The following NXPE2 variants were observed in gnomAD, a reference collection of about 807,000 sequenced individuals.
NXPE2 encodes neurexophilin and PC-esterase domain family member 2.
In NXPE2, 34 loss-of-function variants were observed where a neutral mutation model predicts 34.4. That is an observed-to-expected ratio of 0.99 (90% CI 0.75 to 1.31). The LOEUF (loss-of-function observed/expected upper bound fraction) is 1.31. NXPE2 is among the 40% of genes most tolerant of loss of function. NXPE2 has a pLI of 0.00. For synonymous variants in NXPE2, 235 were observed against 231.3 expected (o/e 1.02, Z -0.15); for missense variants, 649 against 672.5 (o/e 0.97, Z 0.39).
At chr11:114,571,136 C>A in the NXPE2 span, 2 of 1,613,882 alleles carry the variant, frequency 1.2e-6, no homozygotes, top group African/African-American at 2.7e-5. Context: ...CATTGTACAT[C>A]TCCCTGATGT....
At chr11:114,630,217 C>A in the NXPE2 span, among the ~76,000 whole-genome samples, 1 of 151,710 alleles carries the variant, frequency 6.6e-6, no homozygotes, top group African/African-American at 2.4e-5. Context: ...ATCGCCAAGT[C>A]AATCCTGAGT....
chr11:114,567,538 A>G, the NXPE2 span, among the ~76,000 whole-genome samples: 1 of 152,014 alleles, frequency 6.6e-6, no homozygotes, highest in African/African-American at 2.4e-5. Flanking sequence ...AGCCTTAGGC[A>G]TACCACATAG....
the NXPE2 span, among the ~76,000 whole-genome samples, chr11:114,634,950 C>A: frequency 9.1e-3 from 1,386 of 151,992 alleles, 22 homozygotes; most frequent in African/African-American, 0.032. Flanking sequence ...GATGAGGGCC[C>A]TTTTTTGGTT....
chr11:114,807,352 A>G, the NXPE2 span, among the ~76,000 whole-genome samples: 2 of 152,248 alleles, frequency 1.3e-5, no homozygotes, highest in Non-Finnish European at 2.9e-5. Context: ...TATTAACTTT[A>G]AATGTAAATG....
the NXPE2 span, chr11:114,595,521 G>A: frequency 1.3e-5 from 2 of 152,198 alleles, no homozygotes; most frequent in African/African-American, 4.8e-5. Flanking sequence ...ATGGGCATTA[G>A]ATGTTTCTGC....
the NXPE2 span, among the ~76,000 whole-genome samples, chr11:114,602,815 AT>A: frequency 0.16 from 23,590 of 146,050 alleles, 1,991 homozygotes; most frequent in South Asian, 0.21. Context: ...TTACAGAATC[AT>A]ATATAATAAT....
At chr11:114,525,820 A>G in the NXPE2 span, among the ~76,000 whole-genome samples, 11 of 152,212 alleles carry the variant, frequency 7.2e-5, no homozygotes, top group Non-Finnish European at 1.0e-4. Flanking sequence ...CATGTATAAG[A>G]GTCAAGCCCT....
chr11:114,627,207 C>T, the NXPE2 span, among the ~76,000 whole-genome samples: 3 of 152,088 alleles, frequency 2.0e-5, no homozygotes, highest in South Asian at 2.1e-4. Context: ...AACCCCAAGA[C>T]ACATAATTGT....
the NXPE2 span, among the ~76,000 whole-genome samples, chr11:114,640,898 G>A: frequency 6.6e-6 from 1 of 151,890 alleles, no homozygotes; most frequent in East Asian, 1.9e-4. Context: ...CTCTCATTTT[G>A]TAGGTTTCCT....
chr11:114,543,585 A>G, the NXPE2 span, among the ~76,000 whole-genome samples: 1 of 152,026 alleles, frequency 6.6e-6, no homozygotes, highest in Non-Finnish European at 1.5e-5. Context: ...CATAAGAGAC[A>G]TACTTATGGC....
chr11:114,714,895 G>A, the NXPE2 span, among the ~76,000 whole-genome samples: 112 of 152,204 alleles, frequency 7.4e-4, no homozygotes, highest in African/African-American at 2.4e-3. Context: ...GGTGGCACAC[G>A]CCTGTAATCC....
At chr11:114,739,745 C>G in the NXPE2 span, among the ~76,000 whole-genome samples, 1 of 152,062 alleles carries the variant, frequency 6.6e-6, no homozygotes, top group African/African-American at 2.4e-5. Context: ...TTCCTCTGCT[C>G]CTTGATCACT....
chr11:114,629,171 A>G, the NXPE2 span, among the ~76,000 whole-genome samples: 1 of 152,126 alleles, frequency 6.6e-6, no homozygotes, highest in Non-Finnish European at 1.5e-5. Context: ...AACTCATTTT[A>G]TGAGGCCAGC....
the NXPE2 span, among the ~76,000 whole-genome samples, chr11:114,730,530 T>C: frequency 2.0e-5 from 3 of 152,216 alleles, no homozygotes; most frequent in Non-Finnish European, 4.4e-5. Flanking sequence ...TTCCAATCCA[T>C]GAGCATGGAC....
chr11:114,670,658 C>G, the NXPE2 span, among the ~76,000 whole-genome samples: 1 of 151,990 alleles, frequency 6.6e-6, no homozygotes, highest in African/African-American at 2.4e-5. Context: ...TACCACTGCA[C>G]TCTAGCCTGG....
At chr11:114,665,532 T>A in the NXPE2 span, among the ~76,000 whole-genome samples, 1 of 152,178 alleles carries the variant, frequency 6.6e-6, no homozygotes, top group African/African-American at 2.4e-5. Context: ...TGCAAAGAGT[T>A]ATGTACCTTT....
At chr11:114,661,950 T>C in the NXPE2 span, among the ~76,000 whole-genome samples, 1 of 152,180 alleles carries the variant, frequency 6.6e-6, no homozygotes, top group East Asian at 1.9e-4. Context: ...GAAATTATCC[T>C]GGTAAAAGGA....
chr11:114,692,696 A>G (rs1951176059), intron 2 of NXPE2, among the ~76,000 whole-genome samples: 1 of 151,556 alleles, frequency 6.6e-6, no homozygotes, highest in South Asian at 2.1e-4. Flanking sequence ...TGTTTTAAAT[A>G]CTCTCCTTAC....
At chr11:114,714,149 C>T in the NXPE2 span, among the ~76,000 whole-genome samples, 1 of 152,192 alleles carries the variant, frequency 6.6e-6, no homozygotes, top group African/African-American at 2.4e-5. Flanking sequence ...CTATATGTAT[C>T]ATTAGCTTGT....
Sources: gnomAD v4.1 joint callset for allele counts (sites outside exome capture counted in the v4.1 genomes callset) on GRCh38, gnomAD v4.1.1 for gene constraint, MANE v1.5 for transcripts, NCBI Gene and HGNC (gene_info 2026-07-23, HGNC 2026-07-21) for gene names.